CRPPA: variants seen among roughly 807,000 people sequenced by gnomAD.
The protein encoded by CRPPA is CDP-L-ribitol pyrophosphorylase A.
Under a neutral mutation model 52.0 loss-of-function variants are expected in CRPPA, and 43 were observed. That is an observed-to-expected ratio of 0.83 (90% confidence interval 0.65 to 1.07). CRPPA has a LOEUF of 1.07. Among genes scored for constraint, CRPPA ranks in the 50% least tolerant of loss-of-function variants. The pLI, the probability that CRPPA is intolerant of heterozygous loss-of-function variation, is 0.00. For missense variants in CRPPA, 629 were observed against 551.7 expected, an observed-to-expected ratio of 1.14 and a Z score of -1.40; for synonymous variants, 250 against 203.5, an observed-to-expected ratio of 1.23 and a Z score of -1.94.
At chr7:16,151,799 C>T (rs1462303276) in intron 9 of CRPPA, among the ~76,000 whole-genome samples, 7 of 151,762 alleles carry the variant, frequency 4.6e-5, no homozygotes, top group Non-Finnish European at 1.0e-4. Context: ...TAACATAAAA[C>T]ATTTTCAACG....
chr7:16,173,328 A>T (rs1781232473), intron 9 of CRPPA, among the ~76,000 whole-genome samples: 1 of 152,180 alleles, frequency 6.6e-6, no homozygotes, highest in Admixed American at 6.5e-5. Flanking sequence ...TGAGACCTAA[A>T]CCTAGAACAA....
chr7:16,154,228 G>A (rs1282651763), intron 9 of CRPPA, among the ~76,000 whole-genome samples: 1 of 151,802 alleles, frequency 6.6e-6, no homozygotes, highest in East Asian at 1.9e-4. Flanking sequence ...TTCAATTTTT[G>A]TTATTTCTTC....
At chr7:16,243,065 A>G (rs1441260070) in intron 8 of CRPPA, among the ~76,000 whole-genome samples, 1 of 152,144 alleles carries the variant, frequency 6.6e-6, no homozygotes, top group Non-Finnish European at 1.5e-5. Context: ...CCACATGTCA[A>G]AGGCGGGACC....
intron 3 of CRPPA, among the ~76,000 whole-genome samples, chr7:16,342,790 T>TAG (rs1554335244): frequency 0.049 from 1,625 of 33,360 alleles, 190 homozygotes; most frequent in African/African-American, 0.16. Flanking sequence ...AAAATATATA[T>TAG]ATATATATCT....
At chr7:16,186,259 T>A (rs1781502846) in intron 9 of CRPPA, among the ~76,000 whole-genome samples, 1 of 152,150 alleles carries the variant, frequency 6.6e-6, no homozygotes, top group African/African-American at 2.4e-5. Context: ...CCTATGGTAT[T>A]TGGAGATGGG....
chr7:16,364,471 T>C (rs979602598), intron 3 of CRPPA, among the ~76,000 whole-genome samples: 1 of 152,180 alleles, frequency 6.6e-6, no homozygotes, highest in African/African-American at 2.4e-5. Flanking sequence ...TGAGTCCTGA[T>C]TGAGAAGGAA....
chr7:16,180,383 G>A (rs1271237416), intron 9 of CRPPA, among the ~76,000 whole-genome samples: 6 of 151,908 alleles, frequency 3.9e-5, no homozygotes, highest in African/African-American at 7.3e-5. Flanking sequence ...CTTACTTGAC[G>A]GAGTCAAAAT....
At chr7:16,287,444 G>T (rs796511254) in intron 5 of CRPPA, among the ~76,000 whole-genome samples, 6 of 152,280 alleles carry the variant, frequency 3.9e-5, no homozygotes, top group African/African-American at 1.4e-4. Context: ...TCCAGGCTCT[G>T]TACTAGGATC....
intron 3 of CRPPA, among the ~76,000 whole-genome samples, chr7:16,338,778 C>T (rs1394567780): frequency 6.6e-6 from 1 of 151,270 alleles, no homozygotes; most frequent in East Asian, 1.9e-4. Flanking sequence ...CAGAAAGCAC[C>T]AGCCCCCAAT....
At chr7:16,116,827 C>G (rs536805934) in intron 9 of CRPPA, among the ~76,000 whole-genome samples, 1 of 152,198 alleles carries the variant, frequency 6.6e-6, no homozygotes, top group African/African-American at 2.4e-5. Flanking sequence ...ATCAGAGGAA[C>G]AAGAACAAAA....
intron 9 of CRPPA, among the ~76,000 whole-genome samples, chr7:16,147,549 A>G (rs1246341940): frequency 6.6e-6 from 1 of 152,174 alleles, no homozygotes; most frequent in Non-Finnish European, 1.5e-5. Flanking sequence ...AATAAGTAAA[A>G]TAACTTATTG....
At chr7:16,193,804 T>C (rs1781666638) in intron 9 of CRPPA, among the ~76,000 whole-genome samples, 1 of 152,072 alleles carries the variant, frequency 6.6e-6, no homozygotes, top group South Asian at 2.1e-4. Flanking sequence ...GCACAACTCC[T>C]CCGTGCGCTT....
chr7:16,224,328 A>C (rs1043187693), intron 8 of CRPPA, among the ~76,000 whole-genome samples: 2 of 152,218 alleles, frequency 1.3e-5, no homozygotes. Flanking sequence ...TTAAAGGACT[A>C]TAAGTAAGTA....
At chr7:16,221,101 C>A (rs371122662) in intron 8 of CRPPA, among the ~76,000 whole-genome samples, 4 of 152,082 alleles carry the variant, frequency 2.6e-5, no homozygotes, top group East Asian at 3.9e-4. Context: ...ACAGAGAAAT[C>A]GATCAATGGA....
At position 16,090,336 on chromosome 7, in the gene CRPPA, C is replaced by G. The variant is rs906443002; in HGVS notation, c.*1359G>C. 4 of 152,020 alleles carry G rather than the reference C, an allele frequency of 2.6e-5. No homozygotes were observed. The highest frequency in any genetic ancestry group is 5.9e-5 in the Non-Finnish European group (4 of 68,012). The allele number at this position is 152,020 out of a possible 1,614,324, so 9.4% of individuals were successfully genotyped here. A position where few individuals can be genotyped will look rare whatever the true frequency, so the allele number is the denominator to read the frequency against. The stretch of plus-strand genomic sequence containing the variant: ...ACAAGGTAGATATTGTATAGTGTAT[C>G]TTTAACTGAAAACACTTCATGCAAC... On this transcript the variant is annotated 3_prime_UTR_variant, in exon 10 of 10. Coordinates refer to ENST00000407010, the MANE Select transcript of CRPPA (RefSeq NM_001101426.4).
chr7:16,370,423 G>A (rs969322332), intron 3 of CRPPA, among the ~76,000 whole-genome samples: 2 of 152,144 alleles, frequency 1.3e-5, no homozygotes, highest in African/African-American at 2.4e-5. Flanking sequence ...CCACTGCTGG[G>A]AGACTTGAAT....
At chr7:16,321,728 C>T (rs1357756671) in intron 3 of CRPPA, among the ~76,000 whole-genome samples, 1 of 152,096 alleles carries the variant, frequency 6.6e-6, no homozygotes, top group African/African-American at 2.4e-5. Context: ...TTAAGTTACC[C>T]ATAGGACAAC....
chr7:16,344,312 T>C (rs1365671667), intron 3 of CRPPA, among the ~76,000 whole-genome samples: 2 of 146,624 alleles, frequency 1.4e-5, no homozygotes, highest in Non-Finnish European at 3.0e-5. Context: ...ACATCTGTAA[T>C]CCCAGGGCTT....
chr7:16,401,488 G>T (rs1328814594), intron 2 of CRPPA, among the ~76,000 whole-genome samples: 3 of 152,184 alleles, frequency 2.0e-5, no homozygotes, highest in African/African-American at 7.2e-5. Context: ...GACTAGAGGT[G>T]CTGGAGTACA....
Sources: gnomAD v4.1 joint callset for allele counts (sites outside exome capture counted in the v4.1 genomes callset) on GRCh38, gnomAD v4.1.1 for gene constraint, MANE v1.5 for transcripts, NCBI Gene and HGNC (gene_info 2026-07-23, HGNC 2026-07-21) for gene names.